The following ADGRB3 variants were observed in gnomAD, a reference collection of about 807,000 sequenced individuals.
The protein encoded by ADGRB3 is brain-specific angiogenesis inhibitor 3.
ADGRB3 carries 37 observed loss-of-function variants against 193.4 expected under a neutral mutation model. The observed-to-expected ratio is 0.19, with a 90% confidence interval of 0.15 to 0.25. The LOEUF (loss-of-function observed/expected upper bound fraction) is 0.25, where lower values mean the gene tolerates loss of function less well. Among genes scored for constraint, ADGRB3 ranks in the 10% least tolerant of loss-of-function variants. ADGRB3 has a pLI of 1.00. For synonymous variants in ADGRB3, 690 were observed against 644.2 expected (o/e 1.07, Z -1.08); for missense variants, 1,637 against 1,852.9 (o/e 0.88, Z 2.14).
intron 3 of ADGRB3, among the ~76,000 whole-genome samples, chr6:68,666,895 A>C (rs1768814851): frequency 6.6e-6 from 1 of 151,480 alleles, no homozygotes; most frequent in Non-Finnish European, 1.5e-5. Context: ...AGTGTTTTGT[A>C]CTCTCTGAAA....
At chr6:68,923,380 C>T (rs1363307992) in intron 3 of ADGRB3, among the ~76,000 whole-genome samples, 4 of 151,714 alleles carry the variant, frequency 2.6e-5, no homozygotes, top group African/African-American at 9.7e-5. Context: ...AATTCAAGTA[C>T]AATAAAGATG....
intron 3 of ADGRB3, among the ~76,000 whole-genome samples, chr6:68,799,976 CCTGA>C (rs1767281362): frequency 6.6e-6 from 1 of 152,112 alleles, no homozygotes; most frequent in South Asian, 2.1e-4. Flanking sequence ...TGATAAGTTT[CCTGA>C]CTATCAGAGT....
intron 25 of ADGRB3, 77 bp downstream of exon 25, chr6:69,339,091 A>T: frequency 6.6e-7 from 1 of 1,512,980 alleles, no homozygotes; most frequent in East Asian, 2.3e-5. Flanking sequence ...ATGAAAAAAA[A>T]TTGTGTTTTC....
At chr6:69,326,039 C>T (rs1366261536) in intron 21 of ADGRB3, among the ~76,000 whole-genome samples, 1 of 152,018 alleles carries the variant, frequency 6.6e-6, no homozygotes, top group Non-Finnish European at 1.5e-5. Context: ...CACGGGAGTT[C>T]GAGATTAGCC....
chr6:68,713,747 C>T (rs1169137836), intron 3 of ADGRB3, among the ~76,000 whole-genome samples: 1 of 151,502 alleles, frequency 6.6e-6, no homozygotes, highest in Non-Finnish European at 1.5e-5. Context: ...CTTTCATTTA[C>T]TCACAACTCT....
chr6:69,371,433 A>T (rs1340408775), intron 29 of ADGRB3, among the ~76,000 whole-genome samples: 1 of 152,034 alleles, frequency 6.6e-6, no homozygotes, highest in Non-Finnish European at 1.5e-5. Flanking sequence ...AGGTGTTGGG[A>T]TGGGAGCACG....
intron 3 of ADGRB3, among the ~76,000 whole-genome samples, chr6:68,792,888 T>A (rs1334557746): frequency 6.6e-6 from 1 of 152,126 alleles, no homozygotes; most frequent in Non-Finnish European, 1.5e-5. Context: ...TGATCTACAG[T>A]CTCAGCAAAG....
At chr6:68,858,804 A>C (rs1369608528) in intron 3 of ADGRB3, among the ~76,000 whole-genome samples, 2 of 152,112 alleles carry the variant, frequency 1.3e-5, no homozygotes, top group Non-Finnish European at 2.9e-5. Context: ...GACTGCACAC[A>C]GTGTGGGAGG....
chr6:68,876,294 CTTCT>C (rs1765592031), intron 3 of ADGRB3, among the ~76,000 whole-genome samples: 1 of 151,972 alleles, frequency 6.6e-6, no homozygotes, highest in African/African-American at 2.4e-5. Context: ...TAGATGGAGC[CTTCT>C]TTCTAAGTAT....
At chr6:69,354,622 A>G (rs966076986) in intron 27 of ADGRB3, among the ~76,000 whole-genome samples, 1 of 152,178 alleles carries the variant, frequency 6.6e-6, no homozygotes, top group Non-Finnish European at 1.5e-5. Context: ...GATCATGTGG[A>G]TGTCTTTTAC....
Position 69,327,901 on chromosome 6 carries a change from C to G in ADGRB3, c.3035+12C>G, listed in dbSNP as rs1768613524. On this transcript the variant is annotated intron_variant, in intron 22 of 31. Coordinates refer to ENST00000370598, the MANE Select transcript of ADGRB3 (RefSeq NM_001704.3). ...GGCACTGATCACTAGTAAGTCCATC[C>G]ACAGAGATAAATCATGTTTATAATT... The G allele has an allele frequency of 1.9e-6, 3 of 1,589,098 alleles. No individual in the cohort carries two copies. Among genetic ancestry groups the G allele is most frequent in the Non-Finnish European group, 2.6e-6 (3 of 1,161,470 alleles).
intron 17 of ADGRB3, among the ~76,000 whole-genome samples, chr6:69,223,271 A>G (rs1765937998): frequency 6.6e-6 from 1 of 152,202 alleles, no homozygotes; most frequent in Admixed American, 6.5e-5. Flanking sequence ...CTCAAGAGTT[A>G]AAATTTCTGT....
intron 17 of ADGRB3, among the ~76,000 whole-genome samples, chr6:69,076,351 T>G (rs189280435): frequency 3.3e-5 from 5 of 152,096 alleles, no homozygotes; most frequent in Non-Finnish European, 5.9e-5. Context: ...TCTTAACATC[T>G]TGTCCTAGTA....
intron 3 of ADGRB3, among the ~76,000 whole-genome samples, chr6:68,644,184 A>G (rs1768151020): frequency 1.3e-5 from 2 of 152,108 alleles, no homozygotes; most frequent in African/African-American, 4.8e-5. Flanking sequence ...ACTTTGGGAA[A>G]GCATCTACCT....
intron 3 of ADGRB3, among the ~76,000 whole-genome samples, chr6:68,903,399 A>G (rs190055456): frequency 6.6e-6 from 1 of 152,304 alleles, no homozygotes; most frequent in Admixed American, 6.5e-5. Context: ...AAATTTAGTG[A>G]TAATATTTCA....
intron 1 of ADGRB3, among the ~76,000 whole-genome samples, chr6:68,636,668 G>C (rs1485444731): frequency 6.6e-6 from 1 of 152,090 alleles, no homozygotes; most frequent in Non-Finnish European, 1.5e-5. Context: ...ATTATATTGA[G>C]TGCGCTCTCT....
At position 68,944,946 on chromosome 6, in the gene ADGRB3, A is replaced by G. The variant is rs151261990; in HGVS notation, c.1195+952A>G. 6.4e-4 allele frequency among the ~76,000 whole-genome samples: 97 copies of G among 152,270 alleles called. No individual in the cohort carries two copies. The East Asian group carries it at 0.012, about 18-fold the overall frequency. ...TAGTCACATATTCTGCATGCAAGCA[A>G]CATAGCTGGGATCCCAGTACTGTTG... On this transcript the variant is annotated intron_variant, in intron 6 of 31. Transcript: ENST00000370598.
chr6:68,803,174 G>C (rs975808849), intron 3 of ADGRB3, among the ~76,000 whole-genome samples: 1 of 151,760 alleles, frequency 6.6e-6, no homozygotes, highest in South Asian at 2.1e-4. Context: ...TTCTCTACTG[G>C]TTTGATGACT....
intron 10 of ADGRB3, among the ~76,000 whole-genome samples, chr6:68,983,584 C>A (rs1768986832): frequency 1.3e-5 from 2 of 151,576 alleles, no homozygotes; most frequent in South Asian, 4.2e-4. Flanking sequence ...CTGTGTTATT[C>A]AATCATTTAT....
Sources: gnomAD v4.1 joint callset for allele counts (sites outside exome capture counted in the v4.1 genomes callset) on GRCh38, gnomAD v4.1.1 for gene constraint, MANE v1.5 for transcripts, NCBI Gene and HGNC (gene_info 2026-07-23, HGNC 2026-07-21) for gene names.